The following DPP6 variants were observed in gnomAD, a reference collection of about 807,000 sequenced individuals.
DPP6 encodes the protein dipeptidyl peptidase like 6.
DPP6 carries 69 observed loss-of-function variants against 122.6 expected under a neutral mutation model. The ratio of observed to expected loss-of-function variants is 0.56; its 90% CI spans 0.46 to 0.69. The LOEUF is 0.69. Among genes scored for constraint, DPP6 ranks in the 30% least tolerant of loss-of-function variants. The pLI is 0.00. For missense variants in DPP6, 928 were observed against 1,116.9 expected, an observed-to-expected ratio of 0.83 and a Z score of 2.41; for synonymous variants, 418 against 433.1, an observed-to-expected ratio of 0.97 and a Z score of 0.43.
rs188054777 is a variant in DPP6 at position 154,691,808 on chromosome 7, G to C, written c.762+22367G>C. ...CACTCCAGCCTGGGTGACAGAGTGA[G>C]ACTCTGTCTCAAAAAAACAAATAAA... On this transcript the variant is annotated intron_variant, in intron 7 of 25. Transcript: ENST00000377770. Among the ~76,000 whole-genome samples, 187 of 110,202 alleles carry C rather than the reference G, an allele frequency of 1.7e-3. 3 individuals carry two copies. Among genetic ancestry groups the C allele is most frequent in the Admixed American group, 2.0e-3 (18 of 9,154 alleles). The allele number at this position is 110,202 out of a possible 152,430, so 72.3% of individuals were successfully genotyped here. A position where few individuals can be genotyped will look rare whatever the true frequency, so the allele number is the denominator to read the frequency against.
chr7:154,579,432 A>G (rs2130651891), intron 5 of DPP6, among the ~76,000 whole-genome samples: 1 of 152,216 alleles, frequency 6.6e-6, no homozygotes, highest in African/African-American at 2.4e-5. Flanking sequence ...AAAATTCATG[A>G]GGAGATTCGG....
chr7:154,881,139 T>C (rs904763367), intron 21 of DPP6, 197 bp downstream of exon 21: 2 of 914,478 alleles, frequency 2.2e-6, no homozygotes, highest in Admixed American at 7.1e-5. Flanking sequence ...CCTAAGTTTC[T>C]TTTTACATTA....
chr7:153,968,191 T>C (rs1274918273), intron 1 of DPP6, among the ~76,000 whole-genome samples: 1 of 150,094 alleles, frequency 6.7e-6, no homozygotes, highest in Non-Finnish European at 1.5e-5. Flanking sequence ...CTTTGCTCTG[T>C]AGCCTTGACA....
At chr7:154,726,678 G>T (rs1357643396) in intron 7 of DPP6, among the ~76,000 whole-genome samples, 1 of 151,920 alleles carries the variant, frequency 6.6e-6, no homozygotes, top group Non-Finnish European at 1.5e-5. Context: ...ATTAATATTT[G>T]GTTCCTTTTA....
chr7:154,755,148 T>TAAAAAAAAA lies in DPP6; in HGVS notation c.884-14261_884-14253dup. 7.6e-6 allele frequency among the ~76,000 whole-genome samples: 1 copy of TAAAAAAAAA among 131,580 alleles called. No homozygotes were observed. The highest frequency in any genetic ancestry group is 1.6e-5 in the Non-Finnish European group (1 of 60,950). The allele number at this position is 131,580 out of a possible 152,430, so 86.3% of individuals were successfully genotyped here. A position where few individuals can be genotyped will look rare whatever the true frequency, so the allele number is the denominator to read the frequency against. ...TCCCAGAACTTAAAGTAAAATAAAT[T>TAAAAAAAAA]AAAAAAAAAAAAAAAAGAAACTGAA... On this transcript the variant is annotated intron_variant, in intron 8 of 25. Coordinates refer to ENST00000377770, the MANE Select transcript of DPP6 (RefSeq NM_130797.4). This position sits in a 1 kb window ranked among gnomAD's most constrained non-coding sequence, Gnocchi z 4.7.
At chr7:153,961,134 G>A (rs540707710) in intron 1 of DPP6, among the ~76,000 whole-genome samples, 8 of 128,540 alleles carry the variant, frequency 6.2e-5, no homozygotes, top group African/African-American at 1.6e-4. Context: ...GAGATGATCT[G>A]GGAAGGTGAG....
chr7:154,790,332 G>A (rs892772581), intron 10 of DPP6, among the ~76,000 whole-genome samples: 10 of 152,182 alleles, frequency 6.6e-5, no homozygotes, highest in Non-Finnish European at 1.2e-4. Flanking sequence ...AGGGCAAGTC[G>A]GCACAAGGGG....
Position 154,075,314 on chromosome 7 carries a change from A to G in DPP6, c.243+22251A>G, listed in dbSNP as rs533668197. On this transcript the variant is annotated intron_variant, in intron 1 of 25. Coordinates refer to ENST00000377770, the MANE Select transcript of DPP6 (RefSeq NM_130797.4). The stretch of plus-strand genomic sequence containing the variant: ...CCACCCCACTACTGTGTATCTATCT[A>G]CCCAGCAGAAGATAAGTCATTATAT... Among the ~76,000 whole-genome samples the G allele has an allele frequency of 7.2e-5, 11 of 152,250 alleles. No individual in the cohort carries two copies. In the South Asian group the frequency reaches 2.3e-3, roughly 32 times the overall value.
chr7:153,914,685 T>A (rs1800230854), intron 1 of DPP6, among the ~76,000 whole-genome samples: 1 of 152,262 alleles, frequency 6.6e-6, no homozygotes, highest in Admixed American at 6.5e-5. Context: ...AATGTGGATC[T>A]TCTTGGAAAA....
At chr7:154,560,173 G>GT (rs1363142736) in intron 4 of DPP6, among the ~76,000 whole-genome samples, 1 of 151,932 alleles carries the variant, frequency 6.6e-6, no homozygotes, top group East Asian at 1.9e-4. Flanking sequence ...ATATGGCCAG[G>GT]TTTTGGGTGG....
At chr7:154,710,252 C>G (rs915190564) in intron 7 of DPP6, among the ~76,000 whole-genome samples, 1 of 152,196 alleles carries the variant, frequency 6.6e-6, no homozygotes, top group Non-Finnish European at 1.5e-5. Context: ...GGTCACCAGA[C>G]TGGGAGAAGT....
At chr7:154,525,566 A>T (rs1827338877) in intron 3 of DPP6, among the ~76,000 whole-genome samples, 2 of 152,258 alleles carry the variant, frequency 1.3e-5, no homozygotes, top group South Asian at 4.1e-4. Context: ...GTCTGAGAGC[A>T]CAATGCTGTG....
Position 154,325,877 on chromosome 7 carries a change from A to G in DPP6, c.244-120337A>G, listed in dbSNP as rs34680911. 4.0e-3 allele frequency among the ~76,000 whole-genome samples: 608 copies of G among 152,304 alleles called. 4 individuals are homozygous for G. Among genetic ancestry groups the G allele is most frequent in the South Asian group, 0.016 (76 of 4,828 alleles). On this transcript the variant is annotated intron_variant, in intron 1 of 25. Coordinates refer to ENST00000377770, the MANE Select transcript of DPP6 (RefSeq NM_130797.4). The stretch of plus-strand genomic sequence containing the variant: ...TAAATTGTGCCTCTCTGTTACCTGA[A>G]TGTCTTACTTTTTTGGAGGTTTTGT...
chr7:153,992,203 T>A (rs1055608363), intron 1 of DPP6, among the ~76,000 whole-genome samples: 1 of 152,078 alleles, frequency 6.6e-6, no homozygotes, highest in African/African-American at 2.4e-5. Context: ...ACCTCCCAAA[T>A]CTATAAGGCC....
At chr7:154,400,985 G>A (rs1045328609) in intron 1 of DPP6, among the ~76,000 whole-genome samples, 14 of 152,070 alleles carry the variant, frequency 9.2e-5, no homozygotes, top group Admixed American at 7.9e-4. Context: ...GGCAGATCAC[G>A]AGGTCAGGAG....
intron 1 of DPP6, among the ~76,000 whole-genome samples, chr7:154,209,552 A>G (rs1799627026): frequency 9.8e-6 from 1 of 101,810 alleles, no homozygotes; most frequent in Non-Finnish European, 2.6e-5. Context: ...TTAAAAAAAA[A>G]AAACAAAAAA....
chr7:153,751,364 CTT>C, the DPP6 span, among the ~76,000 whole-genome samples: 1 of 151,614 alleles, frequency 6.6e-6, no homozygotes, highest in Admixed American at 6.6e-5. Flanking sequence ...TTGGTTGTCT[CTT>C]TTAGATGGTT....
intron 5 of DPP6, among the ~76,000 whole-genome samples, chr7:154,579,319 C>A (rs549631522): frequency 2.0e-5 from 3 of 151,832 alleles, no homozygotes; most frequent in Admixed American, 2.0e-4. Flanking sequence ...ACTGCACTAC[C>A]GCCTGGGCAA....
intron 1 of DPP6, among the ~76,000 whole-genome samples, chr7:153,899,063 A>G (rs1313277811): frequency 6.6e-6 from 1 of 152,130 alleles, no homozygotes; most frequent in Non-Finnish European, 1.5e-5. Context: ...GGGTGAATGA[A>G]AACAAATGCC....
Sources: allele counts gnomAD v4.1 joint callset (sites outside exome capture counted in the v4.1 genomes callset), GRCh38; gene constraint gnomAD v4.1.1; non-coding constraint Gnocchi (gnomAD v3.1); transcripts MANE v1.5; gene names NCBI Gene and HGNC (gene_info 2026-07-23, HGNC 2026-07-21).